THSD7B: variants seen among roughly 807,000 people sequenced by gnomAD.
THSD7B encodes thrombospondin type 1 domain containing 7B.
A neutral mutation model predicts 213.6 loss-of-function variants in THSD7B; 138 were observed. The ratio of observed to expected loss-of-function variants is 0.65; its 90% CI spans 0.56 to 0.74. THSD7B has a LOEUF of 0.74. Ranked by LOEUF, THSD7B falls within the 30% of genes least tolerant of loss-of-function variation. The pLI is 0.00. For synonymous variants in THSD7B, 742 were observed against 687.0 expected (o/e 1.08, Z -1.25); for missense variants, 1,931 against 1,991.5 (o/e 0.97, Z 0.58).
chr2:136,778,410 C>T (rs1437905501), intron 1 of THSD7B, among the ~76,000 whole-genome samples: 1 of 152,138 alleles, frequency 6.6e-6, no homozygotes, highest in Non-Finnish European at 1.5e-5. Flanking sequence ...TTCTGCCCCC[C>T]TCTGTATCAT....
intron 17 of THSD7B, among the ~76,000 whole-genome samples, chr2:137,600,141 A>AT (rs1486161191): frequency 6.6e-6 from 1 of 152,170 alleles, no homozygotes; most frequent in Non-Finnish European, 1.5e-5. Flanking sequence ...AGAGAGAGAG[A>AT]TAAAAACATT....
At position 136,860,829 on chromosome 2, in the gene THSD7B, A is replaced by G. The variant is rs1346400483; in HGVS notation, c.-35-21315A>G. 2.6e-5 allele frequency among the ~76,000 whole-genome samples: 4 copies of G among 152,346 alleles called. No homozygotes were observed. In the East Asian group the frequency reaches 7.7e-4, roughly 29 times the overall value. On this transcript the variant is annotated intron_variant, in intron 1 of 27. Transcript: ENST00000409968. ...CCCAAATTACTCATAGTAAAAGCCA[A>G]AGTCATTACAGTGGACTGTAAGGGC...
intron 5 of THSD7B, among the ~76,000 whole-genome samples, chr2:137,120,074 G>A (rs926183997): frequency 1.3e-5 from 2 of 152,012 alleles, no homozygotes; most frequent in Non-Finnish European, 2.9e-5. Flanking sequence ...TGTTTAAGTG[G>A]GCTTATAGCA....
At chr2:137,556,297 G>A (rs543793668) in intron 15 of THSD7B, among the ~76,000 whole-genome samples, 9 of 152,250 alleles carry the variant, frequency 5.9e-5, no homozygotes, top group Admixed American at 2.6e-4. Context: ...AGAGAGAAAG[G>A]TCGGGTTACC....
chr2:136,920,974 G>A lies in THSD7B; in HGVS notation c.139+38657G>A, dbSNP rs1200416544. Among the ~76,000 whole-genome samples, 4 of 152,276 alleles carry A rather than the reference G, an allele frequency of 2.6e-5. No individual in the cohort carries two copies. In the East Asian group the frequency reaches 7.8e-4, roughly 30 times the overall value. ...GGAGCAGGCCCTTTGAAGCCTGCAG[G>A]GGTTGGGGGCTTCCTGGGCCCCTGA... On this transcript the variant is annotated intron_variant, in intron 2 of 27. Transcript: ENST00000409968.
chr2:137,118,723 G>T (rs1283940187), intron 5 of THSD7B, among the ~76,000 whole-genome samples: 2 of 152,050 alleles, frequency 1.3e-5, no homozygotes, highest in Non-Finnish European at 2.9e-5. Flanking sequence ...CCACACAAGG[G>T]CACACATTCT....
At chr2:137,377,208 C>G (rs893312611) in intron 12 of THSD7B, among the ~76,000 whole-genome samples, 2 of 152,072 alleles carry the variant, frequency 1.3e-5, no homozygotes, top group African/African-American at 4.8e-5. Context: ...TATGTTTCAT[C>G]AACTGACTGT....
intron 15 of THSD7B, among the ~76,000 whole-genome samples, chr2:137,463,525 T>G (rs1301730412): frequency 6.6e-6 from 1 of 152,026 alleles, no homozygotes; most frequent in Non-Finnish European, 1.5e-5. Flanking sequence ...CCATTTACCC[T>G]TCTGTGGCTT....
chr2:137,592,354 A>T (rs1482516877), intron 17 of THSD7B, among the ~76,000 whole-genome samples: 1 of 151,798 alleles, frequency 6.6e-6, no homozygotes, highest in Non-Finnish European at 1.5e-5. Flanking sequence ...TATTTTACAT[A>T]ATCATATATT....
intron 10 of THSD7B, among the ~76,000 whole-genome samples, chr2:137,259,137 A>G (rs1682378323): frequency 6.6e-6 from 1 of 152,180 alleles, no homozygotes; most frequent in Admixed American, 6.5e-5. Flanking sequence ...ATAGTGCTGC[A>G]ATAAACATAC....
At chr2:136,904,139 T>C (rs1414919889) in intron 2 of THSD7B, among the ~76,000 whole-genome samples, 10 of 152,116 alleles carry the variant, frequency 6.6e-5, no homozygotes, top group Admixed American at 6.6e-4. Context: ...AATTAAATAA[T>C]ATTCAGTGTG....
At chr2:137,345,609 G>C (rs778771533) in intron 12 of THSD7B, among the ~76,000 whole-genome samples, 14 of 151,438 alleles carry the variant, frequency 9.2e-5, no homozygotes, top group Non-Finnish European at 1.9e-4. Flanking sequence ...GAGAGAGAGA[G>C]AATATGAATT....
At chr2:136,910,640 C>T (rs1310130627) in intron 2 of THSD7B, among the ~76,000 whole-genome samples, 7 of 152,036 alleles carry the variant, frequency 4.6e-5, no homozygotes, top group African/African-American at 1.4e-4. Flanking sequence ...AATCAAAGTG[C>T]TTTGCATACG....
intron 2 of THSD7B, among the ~76,000 whole-genome samples, chr2:136,977,599 G>C (rs984329449): frequency 9.9e-5 from 15 of 152,156 alleles, no homozygotes; most frequent in Admixed American, 9.2e-4. Context: ...TGGGCACTTA[G>C]TGCTATAAAT....
intron 12 of THSD7B, among the ~76,000 whole-genome samples, chr2:137,378,332 G>C (rs1481967636): frequency 2.0e-5 from 3 of 152,182 alleles, no homozygotes; most frequent in African/African-American, 7.2e-5. Flanking sequence ...GGAAGGAGTG[G>C]CTAAAGAACT....
intron 2 of THSD7B, among the ~76,000 whole-genome samples, chr2:136,914,046 T>A (rs1196715067): frequency 6.6e-6 from 1 of 152,198 alleles, no homozygotes; most frequent in Non-Finnish European, 1.5e-5. Context: ...GGAGGGAGGC[T>A]GTACCCTTTA....
chr2:137,170,703 G>T, intron 6 of THSD7B, 38 bp from the exon 7 acceptor site: 4 of 1,593,722 alleles, frequency 2.5e-6, no homozygotes, highest in Non-Finnish European at 1.7e-6. Context: ...CTGGAAAAGA[G>T]TGGAATTCTC....
intron 27 of THSD7B, among the ~76,000 whole-genome samples, chr2:137,675,822 T>TAA (rs1558880541): frequency 2.0e-5 from 3 of 152,044 alleles, no homozygotes; most frequent in Non-Finnish European, 4.4e-5. Context: ...GTGGCAGAAT[T>TAA]AAAGGTTACA....
chr2:137,474,505 C>A (rs564786384), intron 15 of THSD7B, among the ~76,000 whole-genome samples: 28 of 152,194 alleles, frequency 1.8e-4, no homozygotes, highest in Non-Finnish European at 3.8e-4. Flanking sequence ...AGATGTCTCA[C>A]AAGAAGTGTT....
Sources: allele counts gnomAD v4.1 joint callset (sites outside exome capture counted in the v4.1 genomes callset), GRCh38; gene constraint gnomAD v4.1.1; transcripts MANE v1.5; gene names NCBI Gene and HGNC (gene_info 2026-07-23, HGNC 2026-07-21).